Variants in TBRG4 observed in about 807,000 individuals in gnomAD.
The protein encoded by TBRG4 is transforming growth factor beta regulator 4.
A neutral mutation model predicts 65.6 loss-of-function variants in TBRG4; 43 were observed. The ratio of observed to expected loss-of-function variants is 0.66; its 90% confidence interval spans 0.51 to 0.85. The LOEUF (loss-of-function observed/expected upper bound fraction) is 0.85. Ranked by LOEUF, TBRG4 falls within the 40% of genes least tolerant of loss-of-function variation. The pLI is 0.00. For missense variants in TBRG4, 709 were observed against 787.9 expected, an observed-to-expected ratio of 0.90 and a Z score of 1.20; for synonymous variants, 366 against 341.4, an observed-to-expected ratio of 1.07 and a Z score of -0.79.
chr7:45,110,393 G>A (rs1162092090), intron 1 of TBRG4, among the ~76,000 whole-genome samples: 1 of 151,444 alleles, frequency 6.6e-6, no homozygotes, highest in Non-Finnish European at 1.5e-5. Context: ...TCGGCCAGGC[G>A]CAGTGGCTCA....
rs759088932 is a variant in TBRG4, at chr7:45,104,864, GC to G, written c.736-156del. 1.2e-5 allele frequency: 15 copies of G among 1,200,232 alleles called. No individual in the cohort carries two copies. The South Asian group carries it at 1.9e-4, about 15-fold the overall frequency. 74.3% of individuals were successfully genotyped at this position (1,200,232 alleles called of 1,614,324 possible). A position where few individuals can be genotyped will look rare whatever the true frequency, so the allele number is the denominator to read the frequency against. Reference sequence around the variant, plus strand: ...ACTAAACACAGGACCACTGTGCAGGGCCTGCCTCCTCATCCACCCCAGGGAA... The same window carrying G: ...ACTAAACACAGGACCACTGTGCAGGGCTGCCTCCTCATCCACCCCAGGGAA... On this transcript the variant is annotated intron_variant, in intron 3 of 10. Transcript: ENST00000258770.
At position 45,100,434 on chromosome 7, in the gene TBRG4, G is replaced by A; in HGVS notation, c.1795-8C>T. 6.2e-7 allele frequency: 1 copy of A among 1,610,906 alleles called. No individual in the cohort carries two copies. Among genetic ancestry groups the A allele is most frequent in the Non-Finnish European group, 8.5e-7 (1 of 1,177,184 alleles). On this transcript the variant is annotated splice_polypyrimidine_tract_variant and splice_region_variant and intron_variant, in intron 10 of 10. Coordinates refer to ENST00000258770, the MANE Select transcript of TBRG4 (RefSeq NM_004749.4). ...CCACTCATAGAATGGGACCTAGAAG[G>A]AGGCAGGGGAGACAGGTCACATGGG...
Position 45,108,916 on chromosome 7 carries a change from A to T in TBRG4, c.322T>A (p.Ser108Thr), listed in dbSNP as rs1453140456. 1.2e-6 allele frequency: 2 copies of T among 1,603,060 alleles called. No individual in the cohort carries two copies. Among genetic ancestry groups the T allele is most frequent in the Non-Finnish European group, 1.7e-6 (2 of 1,176,152 alleles). The change falls in exon 2 of 11, where the codon TCT (serine) becomes ACT (threonine). Residue 108 changes from serine to threonine, a missense_variant. Ser to Thr is a moderately conservative substitution (Grantham distance 58). Transcript: ENST00000258770. ...TCTGGCTTCTCAGACAGCAAGTGAG[A>T]GAGCCGGATAAGTACCATTGCTGCT... ...NQAAMVLIRLSHLLSEKPEDK... is the reference protein window; with the variant it reads ...NQAAMVLIRLTHLLSEKPEDK...
At chr7:45,105,843 C>G in intron 2 of TBRG4, 79 bp from the exon 3 acceptor site, 1 of 1,470,754 alleles carries the variant, frequency 6.8e-7, no homozygotes. Flanking sequence ...CTCTCTGAAC[C>G]TTGTTTCATG....
chr7:45,101,847 G>T lies in TBRG4; in HGVS notation c.1545C>A (p.Ala515=). ...CACCCAGCACCCAGCCATACTGCGT[G>T]GCCACCTCGAGGCTGCCCTTGTCGG... ...GSADKGSLEV[A]TQYGWVLDAE... is the part of the protein sequence containing the mutation. The change falls in exon 8 of 11, where the codon GCC becomes GCA. Residue 515 remains alanine, a synonymous_variant. Transcript: ENST00000258770. The T allele has an allele frequency of 6.2e-7, 1 of 1,607,452 alleles. No homozygotes were observed.
rs749050848 is a variant in TBRG4 at position 45,100,428 on chromosome 7, TAGA to T, written c.1795-5_1795-3del. 18 of 1,613,242 alleles carry T rather than the reference TAGA, an allele frequency of 1.1e-5. No individual in the cohort carries two copies. In the African/African-American group the frequency reaches 1.9e-4, roughly 17 times the overall value. On this transcript the variant is annotated splice_region_variant and splice_polypyrimidine_tract_variant and intron_variant, in intron 10 of 10. Coordinates refer to ENST00000258770, the MANE Select transcript of TBRG4 (RefSeq NM_004749.4). ...TTCCAGCCACTCATAGAATGGGACC[TAGA>T]AGGAGGCAGGGGAGACAGGTCACAT...
chr7:45,111,618 C>G, intron 1 of TBRG4, 25 bp downstream of exon 1: 1 of 1,289,490 alleles, frequency 7.8e-7, no homozygotes, highest in African/African-American at 1.5e-5. Context: ...TCAGCCGCCC[C>G]TTCTCCCCGT....
At chr7:45,102,914 G>A in intron 6 of TBRG4, 2 of 309,370 alleles carry the variant, frequency 6.5e-6, no homozygotes, top group Non-Finnish European at 1.2e-5. Context: ...TTGTTCTCAG[G>A]ACTGTGCCAG....
At chr7:45,101,060 G>A (rs1319402310) in intron 10 of TBRG4, among the ~76,000 whole-genome samples, 198 bp downstream of exon 10, 1 of 152,242 alleles carries the variant, frequency 6.6e-6, no homozygotes, top group Non-Finnish European at 1.5e-5. Context: ...CCCACGGGGT[G>A]AGATGCTGGG....
In TBRG4 at chr7:45,105,602, C is replaced by A. The variant is rs1181743147; in HGVS notation, c.574G>T (p.Ala192Ser). 6.2e-7 allele frequency: 1 copy of A among 1,614,164 alleles called. No individual in the cohort carries two copies. Among genetic ancestry groups the A allele is most frequent in the Admixed American group, 1.7e-5 (1 of 60,032 alleles). ...GAGTGCTGCTCCTGTGAGAGGGTGGCACAGGACTCTGCCAGGAAGGCCAGG... is the reference window on the plus strand; with the variant it reads ...GAGTGCTGCTCCTGTGAGAGGGTGGAACAGGACTCTGCCAGGAAGGCCAGG... ...KHLAFLAESC[A>S]TLSQEQHSQE... is the part of the protein sequence containing the mutation. The change falls in exon 3 of 11, where the codon GCC becomes TCC. Residue 192 changes from alanine (A) to serine (S), a missense_variant. Coordinates refer to ENST00000258770, the MANE Select transcript of TBRG4 (RefSeq NM_004749.4).
At chr7:45,107,614 G>A (rs1033221406) in intron 2 of TBRG4, 1 of 153,992 alleles carries the variant, frequency 6.5e-6, no homozygotes, top group South Asian at 2.0e-4. Flanking sequence ...GGCTGGGGAG[G>A]AGGGAGAAAG....
chr7:45,108,021 C>G (rs1785013828), intron 2 of TBRG4, among the ~76,000 whole-genome samples: 1 of 152,224 alleles, frequency 6.6e-6, no homozygotes, highest in South Asian at 2.1e-4. Context: ...TTATACTACT[C>G]TACCTCATTA....
rs143508956 is a variant in TBRG4 at position 45,102,401 on chromosome 7, G to T, written c.1267C>A (p.Arg423=). Residue 423 remains arginine (R), a synonymous_variant, in exon 7 of 11, where the codon CGG becomes AGG. Coordinates refer to ENST00000258770, the MANE Select transcript of TBRG4 (RefSeq NM_004749.4). ...AGGACGGCTTGCAGCTCTGCTTCCC[G>T]TGCCTGCTGCAGCACACACAGGGCC... ...VWALCVLQQA[R]EAELQAVLHP... is the part of the protein sequence containing the mutation. 3.1e-6 allele frequency: 5 copies of T among 1,614,042 alleles called. No homozygotes were observed. The highest frequency in any genetic ancestry group is 4.2e-6 in the Non-Finnish European group (5 of 1,180,034).
In TBRG4 at chr7:45,109,376, T is replaced by C. The variant is rs1360178008; in HGVS notation, c.-50-89A>G. The C allele has an allele frequency of 5.5e-6, 6 of 1,084,436 alleles. No individual in the cohort carries two copies. In the African/African-American group the frequency reaches 6.4e-5, roughly 11 times the overall value. The allele number at this position is 1,084,436 out of a possible 1,614,324, so 67.2% of individuals were successfully genotyped here. A position where few individuals can be genotyped will look rare whatever the true frequency, so the allele number is the denominator to read the frequency against. On this transcript the variant is annotated intron_variant, in intron 1 of 10. Coordinates refer to ENST00000258770, the MANE Select transcript of TBRG4 (RefSeq NM_004749.4). Reference sequence around the variant, plus strand: ...AAATGAAATAGTCAAAGCCACTCTATCTGTAAAATCAGACTAAGTCTTTCT... The same window carrying C: ...AAATGAAATAGTCAAAGCCACTCTACCTGTAAAATCAGACTAAGTCTTTCT...
In TBRG4 at chr7:45,100,287, C is replaced by G; in HGVS notation, c.*38G>C. 1 of 1,581,118 alleles carries G rather than the reference C, an allele frequency of 6.3e-7. No individual in the cohort carries two copies. Among genetic ancestry groups the G allele is most frequent in the Non-Finnish European group, 8.7e-7 (1 of 1,153,390 alleles). On this transcript the variant is annotated 3_prime_UTR_variant, in exon 11 of 11. Transcript: ENST00000258770. ...TTCTTGGCCGCCCACAGCTAGACCT[C>G]CGGCGGAGAGGCACGCAGTCCATGC...
chr7:45,106,432 A>C (rs1238284660), intron 2 of TBRG4: 2 of 160,944 alleles, frequency 1.2e-5, no homozygotes, highest in Non-Finnish European at 2.7e-5. Context: ...AGCCTGATGG[A>C]TGTCACCTGA....
chr7:45,109,412 T>C (rs955168762), intron 1 of TBRG4, 125 bp from the exon 2 acceptor site: 95 of 804,974 alleles, frequency 1.2e-4, no homozygotes, highest in East Asian at 4.1e-4. Context: ...TGACAATCCA[T>C]AGGTATGTGA....
intron 9 of TBRG4, 33 bp downstream of exon 9, chr7:45,101,470 G>A (rs2128644063): frequency 6.2e-7 from 1 of 1,604,386 alleles, no homozygotes; most frequent in Non-Finnish European, 8.5e-7. Flanking sequence ...CAGCCATGGT[G>A]CCCCCATGGC....
Position 45,108,869 on chromosome 7 carries a change from C to T in TBRG4, c.369G>A (p.Gln123=). ...AGAGAAGTTGATGAAAGTGGGCATC[C>T]TGTATGAGCAAGCCTTTATCTTCTG... is the stretch of plus-strand genomic sequence containing the variant. ...EKPEDKGLLI[Q]DAHFHQLLCL... Residue 123 remains glutamine, a synonymous_variant, in exon 2 of 11, where the codon CAG becomes CAA. Transcript: ENST00000258770. 2 of 1,555,510 alleles carry T rather than the reference C, an allele frequency of 1.3e-6. No individual in the cohort carries two copies. The highest frequency in any genetic ancestry group is 2.5e-5 in the South Asian group (2 of 79,520).
Sources: gnomAD v4.1 joint callset for allele counts (sites outside exome capture counted in the v4.1 genomes callset) on GRCh38, gnomAD v4.1.1 for gene constraint, MANE v1.5 for transcripts, NCBI Gene and HGNC (gene_info 2026-07-23, HGNC 2026-07-21) for gene names.